FRY: variants seen among roughly 807,000 people sequenced by gnomAD.
FRY encodes FRY microtubule binding protein.
FRY carries 128 observed loss-of-function variants against 348.4 expected under a neutral mutation model. The ratio of observed to expected loss-of-function variants is 0.37; its 90% confidence interval spans 0.32 to 0.43. The LOEUF is 0.43. FRY is among the 20% of genes least tolerant of loss of function. FRY has a pLI of 1.00. For missense variants in FRY, 2,736 were observed against 3,695.2 expected, an observed-to-expected ratio of 0.74 and a Z score of 6.73; for synonymous variants, 1,370 against 1,374.7, an observed-to-expected ratio of 1.00 and a Z score of 0.08.
At chr13:32,259,871 A>G (rs1047626106) in intron 51 of FRY, among the ~76,000 whole-genome samples, 2 of 152,230 alleles carry the variant, frequency 1.3e-5, no homozygotes, top group African/African-American at 2.4e-5. Flanking sequence ...AGAAAAAAAC[A>G]TATGGTGGTA....
intron 1 of FRY, among the ~76,000 whole-genome samples, chr13:32,045,631 C>T (rs1278492135): frequency 1.3e-5 from 2 of 152,250 alleles, no homozygotes; most frequent in Admixed American, 1.3e-4. Flanking sequence ...TATATGCAAG[C>T]CATTTGTTTT....
At chr13:32,061,261 G>C (rs1370140030) in intron 1 of FRY, 2 of 472,984 alleles carry the variant, frequency 4.2e-6, no homozygotes, top group Admixed American at 4.7e-5. Flanking sequence ...GGATGGGGGT[G>C]GAGGTAGCAG....
intron 16 of FRY, among the ~76,000 whole-genome samples, chr13:32,158,106 A>G (rs1340525177): frequency 6.6e-6 from 1 of 152,200 alleles, no homozygotes; most frequent in Non-Finnish European, 1.5e-5. Context: ...TAATCTGAAG[A>G]TTGTTACCTA....
At chr13:32,265,747 C>T in intron 54 of FRY, 131 bp downstream of exon 54, 1 of 895,736 alleles carries the variant, frequency 1.1e-6, no homozygotes, top group East Asian at 2.6e-5. Flanking sequence ...TGACATATAT[C>T]ATGGCAGGCT....
chr13:32,049,783 G>A (rs781229870), intron 1 of FRY, among the ~76,000 whole-genome samples: 10 of 152,168 alleles, frequency 6.6e-5, no homozygotes, highest in Non-Finnish European at 8.8e-5. Flanking sequence ...GTTGTCTGGG[G>A]TAGAATTGTC....
intron 40 of FRY, among the ~76,000 whole-genome samples, chr13:32,229,439 A>C (rs1320713233): frequency 6.6e-6 from 1 of 152,232 alleles, no homozygotes; most frequent in African/African-American, 2.4e-5. Flanking sequence ...AACAATAAAA[A>C]AAGAGTATTT....
intron 36 of FRY, among the ~76,000 whole-genome samples, chr13:32,220,662 A>G (rs1378266266): frequency 1.3e-5 from 2 of 152,252 alleles, no homozygotes; most frequent in East Asian, 3.8e-4. Flanking sequence ...AGTTTAGGCC[A>G]CCTTAATTCC....
At chr13:32,284,904 C>A (rs1328736912) in intron 58 of FRY, among the ~76,000 whole-genome samples, 1 of 152,098 alleles carries the variant, frequency 6.6e-6, no homozygotes, top group East Asian at 1.9e-4. Context: ...AAGAAAGAAC[C>A]CAGATATGGC....
chr13:32,124,528 T>C (rs926046592), intron 5 of FRY, 74 bp from the exon 6 acceptor site: 3 of 912,970 alleles, frequency 3.3e-6, no homozygotes, highest in Non-Finnish European at 5.4e-6. Flanking sequence ...TTGTCATATA[T>C]AGTTATTGGA....
chr13:32,076,143 A>C (rs1469224799), intron 1 of FRY, among the ~76,000 whole-genome samples: 1 of 152,208 alleles, frequency 6.6e-6, no homozygotes, highest in Admixed American at 6.5e-5. Flanking sequence ...GGACTGTCAG[A>C]GGTCACTCTC....
At chr13:32,034,825 T>C (rs1168956773) in intron 1 of FRY, among the ~76,000 whole-genome samples, 1 of 152,116 alleles carries the variant, frequency 6.6e-6, no homozygotes, top group Non-Finnish European at 1.5e-5. Flanking sequence ...ATCTACTCAC[T>C]CTCCTCTGTA....
intron 40 of FRY, among the ~76,000 whole-genome samples, chr13:32,230,228 G>A (rs1048713118): frequency 2.2e-4 from 33 of 151,966 alleles, no homozygotes; most frequent in Non-Finnish European, 3.4e-4. Flanking sequence ...TCTACCCTCC[G>A]CCCTCCAGTA....
intron 59 of FRY, among the ~76,000 whole-genome samples, chr13:32,292,522 G>A (rs765695901): frequency 2.6e-5 from 4 of 151,936 alleles, no homozygotes; most frequent in South Asian, 2.1e-4. Context: ...GGCAGGGTGC[G>A]GTGGCTCACG....
chr13:32,079,247 A>G (rs1875315154), intron 2 of FRY, among the ~76,000 whole-genome samples: 1 of 152,224 alleles, frequency 6.6e-6, no homozygotes, highest in East Asian at 1.9e-4. Context: ...TTCAGCAAAT[A>G]CTATTCAGTA....
chr13:32,039,027 G>A (rs1406245468), intron 1 of FRY, among the ~76,000 whole-genome samples: 1 of 152,144 alleles, frequency 6.6e-6, no homozygotes, highest in Non-Finnish European at 1.5e-5. Flanking sequence ...GGGATCCTAG[G>A]GAGAGGTATC....
At chr13:32,204,886 G>A (rs545883267) in intron 31 of FRY, among the ~76,000 whole-genome samples, 15 of 152,244 alleles carry the variant, frequency 9.9e-5, no homozygotes, top group African/African-American at 3.4e-4. Flanking sequence ...CCCATCAAAC[G>A]TTCATAGTCT....
chr13:32,104,757 T>TG lies in FRY; in HGVS notation c.324+2747dup, dbSNP rs574884635. Among the ~76,000 whole-genome samples the TG allele has an allele frequency of 6.8e-4, 104 of 152,256 alleles. 2 individuals are homozygous for TG. In the South Asian group the frequency reaches 0.02, roughly 29 times the overall value. On this transcript the variant is annotated intron_variant, in intron 3 of 60. Transcript: ENST00000542859. Reference sequence around the variant, plus strand: ...GACCCAGTGAGAGGTAATCAAATCATGGGGGGCCAGTCTTCCCCATGCTAT... The same window carrying TG: ...GACCCAGTGAGAGGTAATCAAATCATGGGGGGGCCAGTCTTCCCCATGCTAT...
intron 2 of FRY, 44 bp from the exon 3 acceptor site, chr13:32,101,919 G>T: frequency 1.9e-6 from 2 of 1,033,326 alleles, no homozygotes; most frequent in Non-Finnish European, 3.1e-6. Flanking sequence ...TACTATTTAA[G>T]AGACTCTAAT....
In FRY at chr13:32,231,388, C is replaced by T. The variant is rs200573398; in HGVS notation, c.5527+88C>T. On this transcript the variant is annotated intron_variant, in intron 41 of 60. Transcript: ENST00000542859. Reference sequence around the variant, plus strand: ...ATATGATGATTACAGCGCCTTAAAACGGTCCTGCACTCCACATCCATAGCA... The same window carrying T: ...ATATGATGATTACAGCGCCTTAAAATGGTCCTGCACTCCACATCCATAGCA... 505 of 1,299,404 alleles carry T rather than the reference C, an allele frequency of 3.9e-4. No homozygotes were observed. In the African/African-American group the frequency reaches 5.1e-3, roughly 13 times the overall value. 80.5% of individuals were successfully genotyped at this position (1,299,404 alleles called of 1,614,324 possible). A position where few individuals can be genotyped will look rare whatever the true frequency, so the allele number is the denominator to read the frequency against.
Sources: allele counts gnomAD v4.1 joint callset (sites outside exome capture counted in the v4.1 genomes callset), GRCh38; gene constraint gnomAD v4.1.1; transcripts MANE v1.5; gene names NCBI Gene and HGNC (gene_info 2026-07-23, HGNC 2026-07-21).